CNDP1: variants seen among roughly 807,000 people sequenced by gnomAD.
CNDP1 encodes beta-Ala-His dipeptidase.
CNDP1 carries 44 observed loss-of-function variants against 58.1 expected under a neutral mutation model. That is an observed-to-expected ratio of 0.76 (90% CI 0.60 to 0.97). The LOEUF (loss-of-function observed/expected upper bound fraction) is 0.97, where lower values mean the gene tolerates loss of function less well. CNDP1 is among the 50% of genes least tolerant of loss of function. CNDP1 has a pLI of 0.00. For missense variants in CNDP1, 616 were observed against 655.1 expected, an observed-to-expected ratio of 0.94 and a Z score of 0.65; for synonymous variants, 254 against 252.6, an observed-to-expected ratio of 1.01 and a Z score of -0.05.
chr18:74,555,104 C>T (rs1402392733), intron 1 of CNDP1, among the ~76,000 whole-genome samples: 1 of 152,124 alleles, frequency 6.6e-6, no homozygotes, highest in Non-Finnish European at 1.5e-5. Flanking sequence ...GAAAGGTGGG[C>T]ATTTGAAGAA....
intron 7 of CNDP1, among the ~76,000 whole-genome samples, chr18:74,574,543 G>A (rs1443317701): frequency 6.6e-6 from 1 of 152,164 alleles, no homozygotes; most frequent in East Asian, 1.9e-4. Context: ...GCAGGATTCT[G>A]TTTCCTGTGG....
Position 74,558,392 on chromosome 18 carries a change from C to CTTTTTTTTTTTTT in CNDP1, c.154-923_154-911dup, listed in dbSNP as rs71168498. ...AGTTAGGGAGCATTACTTTCTTTTT[C>CTTTTTTTTTTTTT]TTTTTTTTTTTTTTTTTTTTGAGAT... On this transcript the variant is annotated intron_variant, in intron 2 of 11. Transcript: ENST00000358821. Among the ~76,000 whole-genome samples, 15 of 114,306 alleles carry CTTTTTTTTTTTTT rather than the reference C, an allele frequency of 1.3e-4. 2 individuals carry two copies. The highest frequency in any genetic ancestry group is 2.2e-4 in the African/African-American group (6 of 27,764). The allele number at this position is 114,306 out of a possible 152,430, so 75.0% of individuals were successfully genotyped here.
intron 9 of CNDP1, 78 bp downstream of exon 9, chr18:74,578,405 A>C: frequency 1.4e-6 from 2 of 1,381,224 alleles, no homozygotes; most frequent in Non-Finnish European, 2.0e-6. Context: ...CTTAGTGAGC[A>C]GTGAGGTTGC....
At chr18:74,572,808 AAAAGAAAG>A (rs766981720) in intron 7 of CNDP1, among the ~76,000 whole-genome samples, 2 of 135,392 alleles carry the variant, frequency 1.5e-5, no homozygotes, top group Non-Finnish European at 3.1e-5. Flanking sequence ...AAAAAAAAAA[AAAAGAAAG>A]AAAGAAAGAA....
intron 1 of CNDP1, among the ~76,000 whole-genome samples, chr18:74,547,661 G>A (rs1164342420): frequency 6.6e-6 from 1 of 152,228 alleles, no homozygotes; most frequent in Admixed American, 6.5e-5. Flanking sequence ...GCAAGAGCTA[G>A]GAGGGAGGTG....
chr18:74,540,752 C>T lies in CNDP1; in HGVS notation c.24+6061C>T, dbSNP rs558132702. Among the ~76,000 whole-genome samples the T allele has an allele frequency of 1.4e-4, 21 of 152,254 alleles. No homozygotes were observed. The East Asian group carries it at 3.3e-3, about 24-fold the overall frequency. ...CTTACTGGATTTTCAGGGTGATTGG[C>T]GACGTTGTGGCCATGAGTGCTCGGC... On this transcript the variant is annotated intron_variant, in intron 1 of 11. Coordinates refer to ENST00000358821, the MANE Select transcript of CNDP1 (RefSeq NM_032649.6).
At position 74,583,596 on chromosome 18, in the gene CNDP1, T is replaced by G; in HGVS notation, c.1345T>G (p.Ser449Ala). ...AGAACCAGATATGATCCGGGATGGATCCACCATTCCAATTGCCAAAATGTT... is the reference window on the plus strand; with the variant it reads ...AGAACCAGATATGATCCGGGATGGAGCCACCATTCCAATTGCCAAAATGTT... ...GTEPDMIRDG[S>A]TIPIAKMFQE... Residue 449 changes from serine to alanine, a missense_variant, in exon 11 of 12, where the codon TCC (serine) becomes GCC (alanine). Physicochemically the swap from Ser to Ala is moderately conservative, Grantham distance 99. Transcript: ENST00000358821. 1 of 1,614,118 alleles carries G rather than the reference T, an allele frequency of 6.2e-7. No individual in the cohort carries two copies. The highest frequency in any genetic ancestry group is 1.1e-5 in the South Asian group (1 of 91,084).
rs544447819 is a variant in CNDP1, at chr18:74,552,379, T to C, written c.25-3959T>C. 1.0e-3 allele frequency among the ~76,000 whole-genome samples: 157 copies of C among 152,350 alleles called. 2 individuals carry two copies. The highest frequency in any genetic ancestry group is 0.01 in the Middle Eastern group (3 of 294). Reference sequence around the variant, plus strand: ...CAGAATTGTACAACCATTGCCACAATTGGTTTTATAACATTTTCATCACCC... The same window carrying C: ...CAGAATTGTACAACCATTGCCACAACTGGTTTTATAACATTTTCATCACCC... On this transcript the variant is annotated intron_variant, in intron 1 of 11. Transcript: ENST00000358821.
intron 9 of CNDP1, among the ~76,000 whole-genome samples, chr18:74,578,530 G>A (rs903015154): frequency 6.6e-5 from 10 of 152,052 alleles, no homozygotes; most frequent in Non-Finnish European, 1.2e-4. Context: ...GAGAGACCAA[G>A]GCTAGAGGAT....
At chr18:74,568,427 C>G (rs1203281476) in intron 6 of CNDP1, among the ~76,000 whole-genome samples, 1 of 152,168 alleles carries the variant, frequency 6.6e-6, no homozygotes, top group East Asian at 1.9e-4. Context: ...GAAGCAGGGA[C>G]TGTCCTCTAG....
intron 7 of CNDP1, among the ~76,000 whole-genome samples, chr18:74,573,242 G>A (rs1981534345): frequency 6.8e-6 from 1 of 147,184 alleles, no homozygotes; most frequent in African/African-American, 2.5e-5. Flanking sequence ...CCAACTATCT[G>A]TCTATCCATC....
chr18:74,541,792 C>A (rs1456815485), intron 1 of CNDP1, among the ~76,000 whole-genome samples: 1 of 152,224 alleles, frequency 6.6e-6, no homozygotes, highest in Non-Finnish European at 1.5e-5. Flanking sequence ...CTCAATTGCT[C>A]TTTCAAGCGG....
At chr18:74,550,645 C>T (rs937818172) in intron 1 of CNDP1, among the ~76,000 whole-genome samples, 2 of 148,486 alleles carry the variant, frequency 1.3e-5, no homozygotes, top group Admixed American at 6.7e-5. Context: ...GGTGTGATCT[C>T]GGCTCACTAC....
intron 9 of CNDP1, among the ~76,000 whole-genome samples, chr18:74,579,007 A>ATTCTC (rs1981705434): frequency 6.6e-6 from 1 of 152,062 alleles, no homozygotes; most frequent in Non-Finnish European, 1.5e-5. Flanking sequence ...CCCAACAGTC[A>ATTCTC]TTCTCTCTCC....
intron 1 of CNDP1, among the ~76,000 whole-genome samples, chr18:74,541,406 G>T (rs1221245552): frequency 1.3e-5 from 2 of 152,176 alleles, no homozygotes; most frequent in African/African-American, 2.4e-5. Flanking sequence ...TGCTGGCTCG[G>T]GACCCTGGCA....
At position 74,567,405 on chromosome 18, in the gene CNDP1, C is replaced by G. The variant is rs1981357775; in HGVS notation, c.728C>G (p.Thr243Ser). Reference sequence around the variant, plus strand: ...AGGAAGCCAGCAATCACTTACGGAACCCGGGGGAACAGCTACTTCATGGTG... The same window carrying G: ...AGGAAGCCAGCAATCACTTACGGAAGCCGGGGGAACAGCTACTTCATGGTG... ...SQRKPAITYG[T>S]RGNSYFMVEV... The change falls in exon 6 of 12, where the codon ACC becomes AGC. Residue 243 changes from threonine (T) to serine (S), a missense_variant. By Grantham distance (58) the Thr-to-Ser change is moderately conservative (BLOSUM62 1). Transcript: ENST00000358821. The G allele has an allele frequency of 6.2e-7, 1 of 1,613,844 alleles. No homozygotes were observed. Among genetic ancestry groups the G allele is most frequent in the South Asian group, 1.1e-5 (1 of 91,072 alleles).
intron 8 of CNDP1, chr18:74,577,865 G>C (rs9953867): frequency 0.037 from 10,077 of 275,200 alleles, 424 homozygotes; most frequent in African/African-American, 0.12. Flanking sequence ...CACACTGAAC[G>C]TGCCCGATCT....
Position 74,545,605 on chromosome 18 carries a change from C to T in CNDP1, c.25-10733C>T, listed in dbSNP as rs1333989936. Among the ~76,000 whole-genome samples the T allele has an allele frequency of 6.6e-6, 1 of 152,114 alleles. No individual in the cohort carries two copies. The highest frequency in any genetic ancestry group is 2.4e-5 in the African/African-American group (1 of 41,414). On this transcript the variant is annotated intron_variant, in intron 1 of 11. Coordinates refer to ENST00000358821, the MANE Select transcript of CNDP1 (RefSeq NM_032649.6). The surrounding 1 kb of genome is among the most constrained non-coding windows in gnomAD (Gnocchi z 4.1). ...ATCTCTGCTCTCCTCCTCGCCACCCCTCCTCTGTCCCCAGTCCACGTCTCT... is the reference window on the plus strand; with the variant it reads ...ATCTCTGCTCTCCTCCTCGCCACCCTTCCTCTGTCCCCAGTCCACGTCTCT...
intron 1 of CNDP1, among the ~76,000 whole-genome samples, chr18:74,554,496 A>G (rs559184141): frequency 3.9e-5 from 6 of 152,276 alleles, no homozygotes; most frequent in Admixed American, 3.3e-4. Context: ...CCTGTGCACA[A>G]ATTCATTTCA....
Sources: gnomAD v4.1 joint callset for allele counts (sites outside exome capture counted in the v4.1 genomes callset) on GRCh38, gnomAD v4.1.1 for gene constraint, Gnocchi (gnomAD v3.1) non-coding constraint, MANE v1.5 for transcripts, NCBI Gene and HGNC (gene_info 2026-07-23, HGNC 2026-07-21) for gene names.